Variants in WBP1L observed in about 807,000 individuals in gnomAD.
The protein encoded by WBP1L is WW domain binding protein 1-like.
A neutral mutation model predicts 33.7 loss-of-function variants in WBP1L; 17 were observed. The ratio of observed to expected loss-of-function variants is 0.50; its 90% confidence interval spans 0.34 to 0.76. The LOEUF is 0.76. WBP1L is among the 30% of genes least tolerant of loss of function. WBP1L has a pLI of 0.01. For synonymous variants in WBP1L, 173 were observed against 190.8 expected (o/e 0.91, Z 0.77); for missense variants, 389 against 469.4 (o/e 0.83, Z 1.58).
intron 1 of WBP1L, among the ~76,000 whole-genome samples, chr10:102,751,090 T>C (rs1221757084): frequency 1.3e-5 from 2 of 152,064 alleles, no homozygotes; most frequent in East Asian, 1.9e-4. Context: ...AACCTCTGCC[T>C]CCTGGGTTCA....
intron 1 of WBP1L, among the ~76,000 whole-genome samples, chr10:102,773,901 T>G (rs1329401688): frequency 1.3e-5 from 2 of 151,816 alleles, no homozygotes; most frequent in Non-Finnish European, 1.5e-5. Flanking sequence ...TATGGAACAC[T>G]TCATAGCCCA....
intron 1 of WBP1L, among the ~76,000 whole-genome samples, chr10:102,779,851 C>T (rs937209174): frequency 7.9e-5 from 12 of 152,176 alleles, no homozygotes; most frequent in Non-Finnish European, 1.6e-4. Context: ...CCTGAGAAGC[C>T]GATATCTGAT....
intron 1 of WBP1L, among the ~76,000 whole-genome samples, chr10:102,764,673 G>A (rs1843086658): frequency 6.6e-6 from 1 of 152,100 alleles, no homozygotes; most frequent in Admixed American, 6.6e-5. Context: ...CAACTTATTG[G>A]AGGGATAAAT....
chr10:102,783,272 C>T (rs148962614), intron 1 of WBP1L, among the ~76,000 whole-genome samples: 5 of 152,334 alleles, frequency 3.3e-5, no homozygotes, highest in Admixed American at 6.5e-5. Flanking sequence ...CAGAGAGCCA[C>T]GGTTCATTCT....
intron 1 of WBP1L, 47 bp downstream of exon 1, chr10:102,744,190 C>G (rs1436487491): frequency 4.0e-6 from 6 of 1,512,540 alleles, no homozygotes; most frequent in Non-Finnish European, 5.3e-6. Context: ...TGGGGGTCGT[C>G]GAGGCCTGGC....
chr10:102,744,932 C>A (rs1842846833), intron 1 of WBP1L, among the ~76,000 whole-genome samples: 1 of 152,226 alleles, frequency 6.6e-6, no homozygotes, highest in African/African-American at 2.4e-5. Flanking sequence ...GGCAGAGAAG[C>A]TTGCTTGTGC....
At chr10:102,769,093 T>C (rs1449457347) in intron 1 of WBP1L, among the ~76,000 whole-genome samples, 1 of 152,196 alleles carries the variant, frequency 6.6e-6, no homozygotes, top group African/African-American at 2.4e-5. Flanking sequence ...CAAGTGATCC[T>C]CCTGCCTCAG....
At chr10:102,768,371 GTTTTTTTTTTT>G (rs1192088947) in intron 1 of WBP1L, among the ~76,000 whole-genome samples, 2 of 12,220 alleles carry the variant, frequency 1.6e-4, no homozygotes, top group Non-Finnish European at 2.5e-4. Flanking sequence ...TTAGTTTTTT[GTTTTTTTTTTT>G]TTTTTTTTTT....
intron 1 of WBP1L, among the ~76,000 whole-genome samples, chr10:102,765,175 A>T (rs1425605390): frequency 6.6e-6 from 1 of 152,210 alleles, no homozygotes; most frequent in Non-Finnish European, 1.5e-5. Flanking sequence ...TCAGGTTTCT[A>T]TGACCAGGCA....
Position 102,744,145 on chromosome 10 carries a change from T to G in WBP1L, c.90+2T>G, listed in dbSNP as rs1590161452. On this transcript the variant is annotated splice_donor_variant, in intron 1 of 3. Coordinates refer to ENST00000448841, the MANE Select transcript of WBP1L (RefSeq NM_001083913.2). LOFTEE classifies it high-confidence loss of function. ...TCAGCCAGGGCTGAACCCCCGCAGGTAAGGGGGAGGGGGCGTCTGGGCCAT... is the reference window on the plus strand; with the variant it reads ...TCAGCCAGGGCTGAACCCCCGCAGGGAAGGGGGAGGGGGCGTCTGGGCCAT... 6.5e-7 allele frequency: 1 copy of G among 1,543,214 alleles called. No individual in the cohort carries two copies. Among genetic ancestry groups the G allele is most frequent in the East Asian group, 2.5e-5 (1 of 40,330 alleles).
intron 1 of WBP1L, among the ~76,000 whole-genome samples, chr10:102,757,569 C>CTTTTTTTTTTTTTTT (rs60213859): frequency 2.0e-4 from 18 of 88,808 alleles, no homozygotes; most frequent in East Asian, 4.4e-4. Context: ...GTTTCTGAGC[C>CTTTTTTTTTTTTTTT]TTTTTTTTTT....
chr10:102,776,057 C>A (rs1843256853), intron 1 of WBP1L: 8 of 978,202 alleles, frequency 8.2e-6, no homozygotes, highest in Non-Finnish European at 9.7e-6. Context: ...GCACATCCTC[C>A]TCAGTATTCC....
At chr10:102,765,502 G>T (rs777855765) in intron 1 of WBP1L, among the ~76,000 whole-genome samples, 18 of 152,098 alleles carry the variant, frequency 1.2e-4, no homozygotes, top group Admixed American at 2.0e-4. Flanking sequence ...CCAAAGTGCT[G>T]GCATTACAGG....
At chr10:102,794,679 G>A (rs1181995546) in intron 1 of WBP1L, among the ~76,000 whole-genome samples, 2 of 152,174 alleles carry the variant, frequency 1.3e-5, no homozygotes, top group Admixed American at 6.5e-5. Flanking sequence ...GAGCCTGGAG[G>A]TCGAGGCTGC....
intron 1 of WBP1L, among the ~76,000 whole-genome samples, chr10:102,748,252 C>T (rs901589678): frequency 4.7e-5 from 7 of 150,366 alleles, no homozygotes; most frequent in East Asian, 2.0e-4. Context: ...AGCGAGACTC[C>T]GTCTCAAAAA....
chr10:102,765,109 C>G (rs1843091639), intron 1 of WBP1L, among the ~76,000 whole-genome samples: 1 of 152,228 alleles, frequency 6.6e-6, no homozygotes, highest in Non-Finnish European at 1.5e-5. Context: ...TTTGCCGCAT[C>G]AGACTTCATG....
At chr10:102,810,968 C>T (rs528685554) in intron 3 of WBP1L, among the ~76,000 whole-genome samples, 7 of 147,964 alleles carry the variant, frequency 4.7e-5, no homozygotes, top group Non-Finnish European at 8.9e-5. Flanking sequence ...CTTCCTTCTT[C>T]CCTCCCTCCC....
chr10:102,757,510 C>T (rs1285577697), intron 1 of WBP1L, among the ~76,000 whole-genome samples: 7 of 147,746 alleles, frequency 4.7e-5, no homozygotes, highest in Admixed American at 6.7e-5. Flanking sequence ...GGATCCTTAA[C>T]TTCTGTCCCC....
intron 3 of WBP1L, among the ~76,000 whole-genome samples, chr10:102,811,574 G>C (rs1297301160): frequency 1.3e-5 from 2 of 152,188 alleles, no homozygotes; most frequent in African/African-American, 4.8e-5. Context: ...GCAGTGGCGT[G>C]ATCTTGGCTC....
Sources: allele counts gnomAD v4.1 joint callset (sites outside exome capture counted in the v4.1 genomes callset), GRCh38; gene constraint gnomAD v4.1.1; transcripts MANE v1.5; gene names NCBI Gene and HGNC (gene_info 2026-07-23, HGNC 2026-07-21).